The following ACVR1B variants were observed in gnomAD, a reference collection of about 807,000 sequenced individuals.
ACVR1B encodes activin A receptor type 1B.
In ACVR1B, 15 loss-of-function variants were observed where a neutral mutation model predicts 55.6. The observed-to-expected ratio is 0.27, with a 90% CI of 0.18 to 0.42. ACVR1B has a LOEUF of 0.42. Among genes scored for constraint, ACVR1B ranks in the 10% least tolerant of loss-of-function variants. The pLI is 1.00. For missense variants in ACVR1B, 359 were observed against 670.1 expected (o/e 0.54, Z 5.13); for synonymous variants, 247 against 254.6 (o/e 0.97, Z 0.28).
At chr12:51,964,112 C>G (rs117561080) in intron 1 of ACVR1B, among the ~76,000 whole-genome samples, 1 of 152,136 alleles carries the variant, frequency 6.6e-6, no homozygotes, top group African/African-American at 2.4e-5. Flanking sequence ...AATGTCTGTT[C>G]AGGTCTTTTT....
chr12:51,956,604 A>G (rs922127012), intron 1 of ACVR1B, among the ~76,000 whole-genome samples: 1 of 152,214 alleles, frequency 6.6e-6, no homozygotes, highest in Non-Finnish European at 1.5e-5. Context: ...TGGGGCTAAT[A>G]CAGTCTTGTT....
At chr12:51,975,973 G>T (rs1941842873) in intron 2 of ACVR1B, among the ~76,000 whole-genome samples, 1 of 152,230 alleles carries the variant, frequency 6.6e-6, no homozygotes, top group Non-Finnish European at 1.5e-5. Context: ...TTACTGTGGA[G>T]CCCACAGGAA....
At chr12:51,970,467 A>G (rs1036645685) in intron 1 of ACVR1B, among the ~76,000 whole-genome samples, 7 of 152,226 alleles carry the variant, frequency 4.6e-5, no homozygotes, top group African/African-American at 1.2e-4. Context: ...TCTTGATACA[A>G]TAACACAGCG....
chr12:51,993,118 C>T (rs542561541), intron 8 of ACVR1B, among the ~76,000 whole-genome samples: 4 of 152,302 alleles, frequency 2.6e-5, no homozygotes, highest in African/African-American at 9.6e-5. Context: ...TCTGTCACCT[C>T]ACCTTGTTGC....
At position 51,976,192 on chromosome 12, in the gene ACVR1B, TAGAG is replaced by T. The variant is rs1191349463; in HGVS notation, c.332-131_332-128del. The T allele has an allele frequency of 4.2e-5, 44 of 1,048,602 alleles. No homozygotes were observed. The East Asian group carries it at 1.1e-3, about 25-fold the overall frequency. 65.0% of individuals were successfully genotyped at this position (1,048,602 alleles called of 1,614,324 possible). A position where few individuals can be genotyped will look rare whatever the true frequency, so the allele number is the denominator to read the frequency against. On this transcript the variant is annotated intron_variant, in intron 2 of 8. Transcript: ENST00000257963. ...AGGCAGCAAGACTAGCCCAGAAGATTAGAGAGATCAAGGGAGCCTGAACACATCG... is the reference window on the plus strand; with the variant it reads ...AGGCAGCAAGACTAGCCCAGAAGATTAGATCAAGGGAGCCTGAACACATCG...
intron 7 of ACVR1B, chr12:51,987,711 C>G (rs1942108488): frequency 6.5e-6 from 1 of 153,488 alleles, no homozygotes; most frequent in Non-Finnish European, 1.5e-5. Flanking sequence ...AGAAGGTTAG[C>G]ATGGCCCCTG....
At chr12:51,963,394 G>A (rs761885789) in intron 1 of ACVR1B, among the ~76,000 whole-genome samples, 8 of 152,092 alleles carry the variant, frequency 5.3e-5, no homozygotes, top group Non-Finnish European at 1.2e-4. Context: ...ACAGGCATGC[G>A]CCACCGCGCC....
chr12:51,996,027 A>G lies in ACVR1B; in HGVS notation c.*1917A>G, dbSNP rs999263399. Reference sequence around the variant, plus strand: ...AAAAAGAGCTGATTCAAGTAAGTAGATGCCTGTTTTGAGACCAGAAGGTTT... The same window carrying G: ...AAAAAGAGCTGATTCAAGTAAGTAGGTGCCTGTTTTGAGACCAGAAGGTTT... On this transcript the variant is annotated 3_prime_UTR_variant, in exon 9 of 9. Coordinates refer to ENST00000257963, the MANE Select transcript of ACVR1B (RefSeq NM_004302.5). The G allele has an allele frequency of 9.2e-5, 14 of 152,326 alleles. No individual in the cohort carries two copies. The highest frequency in any genetic ancestry group is 2.9e-4 in the African/African-American group (12 of 41,444). The allele number at this position is 152,326 out of a possible 1,614,324, so 9.4% of individuals were successfully genotyped here.
chr12:51,970,923 G>A (rs1473128338), intron 1 of ACVR1B, among the ~76,000 whole-genome samples: 3 of 152,128 alleles, frequency 2.0e-5, no homozygotes, highest in Non-Finnish European at 4.4e-5. Context: ...TGCGCTCCTG[G>A]ACCTTCATCT....
chr12:51,968,909 A>G (rs906548819), intron 1 of ACVR1B, among the ~76,000 whole-genome samples: 4 of 152,214 alleles, frequency 2.6e-5, no homozygotes, highest in Admixed American at 6.5e-5. Flanking sequence ...ATATATGAAA[A>G]TATTCTAAAA....
chr12:51,984,523 C>A (rs1053317491), intron 5 of ACVR1B, among the ~76,000 whole-genome samples: 5 of 152,210 alleles, frequency 3.3e-5, no homozygotes, highest in African/African-American at 9.6e-5. Context: ...CTGGGAACAT[C>A]AGTTTAGTGA....
At chr12:51,966,567 G>A (rs973056588) in intron 1 of ACVR1B, among the ~76,000 whole-genome samples, 9 of 152,144 alleles carry the variant, frequency 5.9e-5, no homozygotes, top group African/African-American at 1.9e-4. Flanking sequence ...TTCCACCTCA[G>A]CCTCCTGAAG....
intron 3 of ACVR1B, among the ~76,000 whole-genome samples, chr12:51,980,372 G>A (rs747164583): frequency 1.1e-4 from 17 of 152,184 alleles, no homozygotes; most frequent in East Asian, 1.9e-4. Context: ...GTCAAATGAA[G>A]CAATGTTGAG....
intron 7 of ACVR1B, among the ~76,000 whole-genome samples, chr12:51,990,597 T>C (rs1219977467): frequency 6.6e-6 from 1 of 152,142 alleles, no homozygotes; most frequent in Non-Finnish European, 1.5e-5. Flanking sequence ...ATTAGAGGTG[T>C]GAGCCATTGT....
chr12:51,976,706 T>G, intron 3 of ACVR1B, 131 bp downstream of exon 3: 1 of 1,176,194 alleles, frequency 8.5e-7, no homozygotes, highest in Admixed American at 2.3e-5. Context: ...GGTTTCCTAG[T>G]TCCCCTTCTT....
intron 1 of ACVR1B, among the ~76,000 whole-genome samples, chr12:51,970,170 G>C (rs1941720092): frequency 6.6e-6 from 1 of 152,200 alleles, no homozygotes; most frequent in South Asian, 2.1e-4. Context: ...GCAGGGTGCT[G>C]AATCTGATCA....
At chr12:51,952,365 C>T (rs556011070) in intron 1 of ACVR1B, among the ~76,000 whole-genome samples, 1 of 152,286 alleles carries the variant, frequency 6.6e-6, no homozygotes, top group East Asian at 1.9e-4. Context: ...TCCTTCAGGT[C>T]CTGCACTTGG....
intron 1 of ACVR1B, among the ~76,000 whole-genome samples, chr12:51,953,051 G>A (rs1186841179): frequency 1.3e-5 from 2 of 152,110 alleles, no homozygotes; most frequent in African/African-American, 4.8e-5. Context: ...GGTTATATTT[G>A]GCAGTTATAT....
chr12:51,981,877 T>C lies in ACVR1B; in HGVS notation c.811+678T>C, dbSNP rs1592257041. Among the ~76,000 whole-genome samples, 3 of 151,188 alleles carry C rather than the reference T, an allele frequency of 2.0e-5. No individual in the cohort carries two copies. The East Asian group carries it at 5.8e-4, about 29-fold the overall frequency. Reference sequence around the variant, plus strand: ...AAAAAAAAAAGAAAAAAAAAATCCCTAGGATGAGGAATTGCGGCCTCAACC... The same window carrying C: ...AAAAAAAAAAGAAAAAAAAAATCCCCAGGATGAGGAATTGCGGCCTCAACC... On this transcript the variant is annotated intron_variant, in intron 4 of 8. Transcript: ENST00000257963.
Sources: allele counts gnomAD v4.1 joint callset (sites outside exome capture counted in the v4.1 genomes callset), GRCh38; gene constraint gnomAD v4.1.1; transcripts MANE v1.5; gene names NCBI Gene and HGNC (gene_info 2026-07-23, HGNC 2026-07-21).